Variants in CNTNAP2 observed in about 807,000 individuals in gnomAD.
CNTNAP2 encodes the protein contactin-associated protein-like 2.
In CNTNAP2, 98 loss-of-function variants were observed where a neutral mutation model predicts 155.2. The ratio of observed to expected loss-of-function variants is 0.63; its 90% confidence interval spans 0.54 to 0.75. The LOEUF (loss-of-function observed/expected upper bound fraction) is 0.75. Among genes scored for constraint, CNTNAP2 ranks in the 30% least tolerant of loss-of-function variants. The pLI is 0.00. For synonymous variants in CNTNAP2, 651 were observed against 631.2 expected, an observed-to-expected ratio of 1.03 and a Z score of -0.47; for missense variants, 1,727 against 1,688.1, an observed-to-expected ratio of 1.02 and a Z score of -0.40.
At chr7:148,159,299 G>A (rs74391954) in intron 17 of CNTNAP2, among the ~76,000 whole-genome samples, 1 of 152,132 alleles carries the variant, frequency 6.6e-6, no homozygotes, top group African/African-American at 2.4e-5. Flanking sequence ...CCACTGAAAC[G>A]TATTTTATGG....
intron 11 of CNTNAP2, among the ~76,000 whole-genome samples, chr7:147,548,367 C>T (rs1799783643): frequency 6.6e-6 from 1 of 152,146 alleles, no homozygotes; most frequent in South Asian, 2.1e-4. Flanking sequence ...TGAATTTGAG[C>T]TTTTTTTCAT....
At chr7:147,701,421 C>T (rs1796234588) in intron 13 of CNTNAP2, among the ~76,000 whole-genome samples, 1 of 151,968 alleles carries the variant, frequency 6.6e-6, no homozygotes, top group Non-Finnish European at 1.5e-5. Flanking sequence ...AGAATACAGC[C>T]AATAAAAGCC....
intron 10 of CNTNAP2, among the ~76,000 whole-genome samples, chr7:147,439,197 T>G (rs926416489): frequency 6.6e-6 from 1 of 152,034 alleles, no homozygotes; most frequent in Non-Finnish European, 1.5e-5. Flanking sequence ...ATTTGAAGTT[T>G]TTCTTATTTT....
In CNTNAP2 at chr7:146,324,641, AT is replaced by A. The variant is rs564641016; in HGVS notation, c.97+207670del. ...CATCTATCATTTTATTCTATTTTTA[AT>A]TGCTTTGCTTTTTCTAATAAATATA... On this transcript the variant is annotated intron_variant, in intron 1 of 23. Transcript: ENST00000361727. Among the ~76,000 whole-genome samples, 595 of 152,178 alleles carry A rather than the reference AT, an allele frequency of 3.9e-3. 5 individuals carry two copies. Among genetic ancestry groups the A allele is most frequent in the Non-Finnish European group, 6.3e-3 (426 of 67,982 alleles).
chr7:148,022,676 G>A (rs775084779), intron 15 of CNTNAP2, among the ~76,000 whole-genome samples: 31 of 150,838 alleles, frequency 2.1e-4, no homozygotes, highest in South Asian at 8.4e-4. Context: ...ATTACTGTTC[G>A]TGGAGTGTTT....
chr7:148,195,158 T>C lies in CNTNAP2; in HGVS notation c.3011-22130T>C, dbSNP rs7789395. Among the ~76,000 whole-genome samples the C allele has an allele frequency of 4.4e-3, 667 of 152,350 alleles. 3 individuals carry two copies. Among genetic ancestry groups the C allele is most frequent in the African/African-American group, 0.015 (630 of 41,576 alleles). On this transcript the variant is annotated intron_variant, in intron 18 of 23. Coordinates refer to ENST00000361727, the MANE Select transcript of CNTNAP2 (RefSeq NM_014141.6). ...TTCTCTTTCTTGTATTTGTACCCTCTGTGATGAAAGTCACGCTGTCTGATT... is the reference window on the plus strand; with the variant it reads ...TTCTCTTTCTTGTATTTGTACCCTCCGTGATGAAAGTCACGCTGTCTGATT...
intron 8 of CNTNAP2, among the ~76,000 whole-genome samples, chr7:147,162,538 G>GA (rs1802046118): frequency 6.6e-6 from 1 of 152,100 alleles, no homozygotes; most frequent in African/African-American, 2.4e-5. Flanking sequence ...TAATTATGCT[G>GA]AAAATATTTG....
At chr7:146,628,176 C>T (rs891924964) in intron 1 of CNTNAP2, among the ~76,000 whole-genome samples, 1 of 152,106 alleles carries the variant, frequency 6.6e-6, no homozygotes, top group Non-Finnish European at 1.5e-5. Context: ...ATTCCTATCA[C>T]CTCAGCATGC....
rs569141936 is a variant in CNTNAP2, at chr7:147,376,813, C to G, written c.1499-18796C>G. On this transcript the variant is annotated intron_variant, in intron 9 of 23. Coordinates refer to ENST00000361727, the MANE Select transcript of CNTNAP2 (RefSeq NM_014141.6). ...AAATTCAGACACCAGCACCTTGAAG[C>G]CTGAACCTCTCCACACAGTAACACT... Among the ~76,000 whole-genome samples, 58 of 152,068 alleles carry G rather than the reference C, an allele frequency of 3.8e-4. 1 individual carries two copies. The highest frequency in any genetic ancestry group is 1.0e-3 in the South Asian group (5 of 4,814).
At chr7:146,280,163 A>G (rs928922115) in intron 1 of CNTNAP2, among the ~76,000 whole-genome samples, 1 of 152,136 alleles carries the variant, frequency 6.6e-6, no homozygotes, top group Non-Finnish European at 1.5e-5. Flanking sequence ...TTTTATCAGA[A>G]CAATTCTTGT....
At chr7:148,359,712 T>C (rs558805486) in intron 21 of CNTNAP2, among the ~76,000 whole-genome samples, 1 of 152,236 alleles carries the variant, frequency 6.6e-6, no homozygotes, top group Non-Finnish European at 1.5e-5. Context: ...TCACACTGTC[T>C]CTTTTGCTGT....
Position 146,784,553 on chromosome 7 carries a change from C to T in CNTNAP2, c.208+10172C>T, listed in dbSNP as rs145259424. Among the ~76,000 whole-genome samples, 107 of 152,282 alleles carry T rather than the reference C, an allele frequency of 7.0e-4. 1 individual carries two copies. The highest frequency in any genetic ancestry group is 2.5e-3 in the African/African-American group (104 of 41,554). On this transcript the variant is annotated intron_variant, in intron 2 of 23. Transcript: ENST00000361727. ...AAAATTTAAGAAGATGTGAAGAATA[C>T]ATATACCTTTGTAAGATTGTTGATA...
At chr7:146,376,328 C>T (rs185557572) in intron 1 of CNTNAP2, among the ~76,000 whole-genome samples, 2 of 152,010 alleles carry the variant, frequency 1.3e-5, no homozygotes, top group South Asian at 2.1e-4. Flanking sequence ...TTAATCTATT[C>T]GTTACCTTTG....
chr7:147,428,117 C>A (rs1042225656), intron 10 of CNTNAP2, among the ~76,000 whole-genome samples: 8 of 152,056 alleles, frequency 5.3e-5, no homozygotes, highest in Non-Finnish European at 1.2e-4. Context: ...AGTAACAGTA[C>A]AGCTTGATTT....
Position 147,748,626 on chromosome 7 carries a change from T to G in CNTNAP2, c.2098+109320T>G, listed in dbSNP as rs1273638887. Among the ~76,000 whole-genome samples, 5 of 152,224 alleles carry G rather than the reference T, an allele frequency of 3.3e-5. No homozygotes were observed. In the South Asian group the frequency reaches 1.0e-3, roughly 32 times the overall value. On this transcript the variant is annotated intron_variant, in intron 13 of 23. Transcript: ENST00000361727. ...CCCTGCACCTCAGGTCTACCTGTCT[T>G]TCTTGTCTTTATGCTACATTCTTGT...
intron 4 of CNTNAP2, among the ~76,000 whole-genome samples, chr7:147,048,671 A>G (rs1406455738): frequency 6.6e-6 from 1 of 152,234 alleles, no homozygotes; most frequent in Non-Finnish European, 1.5e-5. Flanking sequence ...AATATAGCTA[A>G]GACAACTGTG....
chr7:146,572,330 G>T (rs949603055), intron 1 of CNTNAP2, among the ~76,000 whole-genome samples: 8 of 149,500 alleles, frequency 5.4e-5, no homozygotes, highest in Admixed American at 2.7e-4. Context: ...AAATCCCTGG[G>T]AAAGAAAGCA....
intron 10 of CNTNAP2, among the ~76,000 whole-genome samples, chr7:147,456,226 T>G (rs986505849): frequency 6.6e-6 from 1 of 152,160 alleles, no homozygotes; most frequent in Non-Finnish European, 1.5e-5. Context: ...TTACTGTGAT[T>G]TAATATTATA....
chr7:147,948,497 T>G (rs886843939), intron 14 of CNTNAP2, among the ~76,000 whole-genome samples: 3 of 143,236 alleles, frequency 2.1e-5, no homozygotes, highest in Non-Finnish European at 4.6e-5. Context: ...GAAATAAAAT[T>G]TTATTCTAGC....
Sources: gnomAD v4.1 joint callset for allele counts (sites outside exome capture counted in the v4.1 genomes callset) on GRCh38, gnomAD v4.1.1 for gene constraint, MANE v1.5 for transcripts, NCBI Gene and HGNC (gene_info 2026-07-23, HGNC 2026-07-21) for gene names.